Variants in DCP1B observed in about 807,000 individuals in gnomAD.
The protein encoded by DCP1B is mRNA-decapping enzyme 1B.
Under a neutral mutation model 60.5 loss-of-function variants are expected in DCP1B, and 47 were observed. The observed-to-expected ratio is 0.78, with a 90% confidence interval of 0.61 to 0.99. DCP1B has a LOEUF of 0.99. Among genes scored for constraint, DCP1B ranks in the 50% least tolerant of loss-of-function variants. The pLI is 0.00. For missense variants in DCP1B, 725 were observed against 756.8 expected, an observed-to-expected ratio of 0.96 and a Z score of 0.49; for synonymous variants, 267 against 280.3, an observed-to-expected ratio of 0.95 and a Z score of 0.47.
At chr12:2,002,590 T>C (rs149275393) in intron 1 of DCP1B, among the ~76,000 whole-genome samples, 1 of 152,286 alleles carries the variant, frequency 6.6e-6, no homozygotes, top group African/African-American at 2.4e-5. Context: ...TTGATAAGGG[T>C]CAAAAGCCTA....
intron 5 of DCP1B, among the ~76,000 whole-genome samples, chr12:1,958,632 C>G (rs570049170): frequency 9.5e-5 from 14 of 148,146 alleles, no homozygotes; most frequent in African/African-American, 3.3e-4. Flanking sequence ...TGGAAGGAGA[C>G]AGGGGAAAAG....
Position 1,953,032 on chromosome 12 carries a change from T to TCTGCGCTCCTGACCACC in DCP1B, c.907_908insGGTGGTCAGGAGCGCAG (p.Asp303GlyfsTer86). ...AGGCAGCTCTGACAATGGGTGGAGG[T>TCTGCGCTCCTGACCACC]CTGCGCTCCTGACCATGAGTTTCTG... On this transcript the variant is annotated frameshift_variant, in exon 7 of 9. Coordinates refer to ENST00000280665, the MANE Select transcript of DCP1B (RefSeq NM_152640.5). LOFTEE classifies it high-confidence loss of function. 7 of 1,613,986 alleles carry TCTGCGCTCCTGACCACC rather than the reference T, an allele frequency of 4.3e-6. No individual in the cohort carries two copies. Among genetic ancestry groups the TCTGCGCTCCTGACCACC allele is most frequent in the Non-Finnish European group, 5.1e-6 (6 of 1,179,998 alleles).
chr12:1,950,492 A>G (rs1404315898), intron 7 of DCP1B: 2 of 690,744 alleles, frequency 2.9e-6, no homozygotes, highest in Non-Finnish European at 5.3e-6. Context: ...AAAAGGGACA[A>G]TAACACTGAA....
rs528206887 is a variant in DCP1B at position 1,958,305 on chromosome 12, G to A, written c.523-2745C>T. Among the ~76,000 whole-genome samples the A allele has an allele frequency of 2.4e-3, 324 of 134,064 alleles. 2 individuals are homozygous for A. Among genetic ancestry groups the A allele is most frequent in the African/African-American group, 8.3e-3 (299 of 36,040 alleles). The allele number at this position is 134,064 out of a possible 152,430, so 88.0% of individuals were successfully genotyped here. ...TTTTTCTATAAACCTACTGGAAGAA[G>A]ACAGGGGAAAAGCTCCCTAACGTCG... On this transcript the variant is annotated intron_variant, in intron 5 of 8. Transcript: ENST00000280665.
intron 5 of DCP1B, among the ~76,000 whole-genome samples, chr12:1,958,454 A>C: frequency 2.8e-5 from 4 of 142,048 alleles, no homozygotes; most frequent in South Asian, 2.3e-4. Flanking sequence ...AAAGCTCCCT[A>C]ACGTCGCTCT....
chr12:1,951,681 T>G (rs1385716218), intron 7 of DCP1B, among the ~76,000 whole-genome samples: 1 of 152,222 alleles, frequency 6.6e-6, no homozygotes, highest in Admixed American at 6.5e-5. Flanking sequence ...AGGCTGTTTT[T>G]TGTTTATTTC....
At chr12:1,985,985 T>C (rs994489525) in intron 3 of DCP1B, among the ~76,000 whole-genome samples, 3 of 152,084 alleles carry the variant, frequency 2.0e-5, no homozygotes, top group Non-Finnish European at 2.9e-5. Context: ...TAATTTTGTT[T>C]TGTATTTTTA....
At chr12:1,959,260 G>T (rs1274615082) in intron 5 of DCP1B, among the ~76,000 whole-genome samples, 2 of 152,264 alleles carry the variant, frequency 1.3e-5, no homozygotes, top group African/African-American at 2.4e-5. Flanking sequence ...ACCCAAGGCT[G>T]TTGCATAGCA....
chr12:1,949,752 C>G (rs1406780589), intron 7 of DCP1B, among the ~76,000 whole-genome samples: 5 of 152,218 alleles, frequency 3.3e-5, no homozygotes, highest in Non-Finnish European at 7.3e-5. Context: ...GCACAGGAGG[C>G]GCTGTGAGAG....
At chr12:1,944,194 G>T (rs2030350502), downstream of DCP1B, among the ~76,000 whole-genome samples, 1 of 152,068 alleles carries the variant, frequency 6.6e-6, no homozygotes, top group Non-Finnish European at 1.5e-5. Context: ...TTGCTACAAA[G>T]ATAATAAAAT....
intron 3 of DCP1B, among the ~76,000 whole-genome samples, chr12:1,981,850 T>G (rs1400645971): frequency 6.6e-6 from 1 of 152,132 alleles, no homozygotes; most frequent in Non-Finnish European, 1.5e-5. Flanking sequence ...TTGGTCAGAA[T>G]GAGGGAGAGA....
chr12:2,003,140 A>G (rs1052632152), intron 1 of DCP1B, among the ~76,000 whole-genome samples: 1 of 152,072 alleles, frequency 6.6e-6, no homozygotes, highest in African/African-American at 2.4e-5. Flanking sequence ...TGTCTACCCC[A>G]TTCTTGCTTG....
intron 3 of DCP1B, among the ~76,000 whole-genome samples, chr12:1,989,848 C>T (rs1406429513): frequency 6.6e-6 from 1 of 152,188 alleles, no homozygotes; most frequent in Non-Finnish European, 1.5e-5. Context: ...TAAGTGATTA[C>T]TATATGGGAA....
At chr12:1,955,633 A>T in intron 5 of DCP1B, 73 bp from the exon 6 acceptor site, 1 of 1,499,502 alleles carries the variant, frequency 6.7e-7, no homozygotes, top group Admixed American at 2.2e-5. Flanking sequence ...CTACCTTTTT[A>T]CTTCTTATCT....
In DCP1B at chr12:1,953,228, C is replaced by T; in HGVS notation, c.712G>A (p.Ala238Thr). ...GGCTCCACAGTTTCCTGACATGTAGCTTTGTCCTGCTTCCCAAACAGAGCT... is the reference window on the plus strand; with the variant it reads ...GGCTCCACAGTTTCCTGACATGTAGTTTTGTCCTGCTTCCCAAACAGAGCT... ...LTALFGKQDK[A>T]TCQETVEPPQ... The change falls in exon 7 of 9, where the codon GCT (alanine) becomes ACT (threonine). Residue 238 changes from alanine (A) to threonine (T), a missense_variant. Coordinates refer to ENST00000280665, the MANE Select transcript of DCP1B (RefSeq NM_152640.5). 1 of 1,605,702 alleles carries T rather than the reference C, an allele frequency of 6.2e-7. No homozygotes were observed. Among genetic ancestry groups the T allele is most frequent in the Admixed American group, 1.7e-5 (1 of 60,002 alleles).
chr12:1,992,931 T>C, intron 3 of DCP1B: 1 of 580,542 alleles, frequency 1.7e-6, no homozygotes, highest in African/African-American at 1.9e-5. Flanking sequence ...GCCACCTATG[T>C]GTGTGTCTCT....
At chr12:1,998,085 T>C (rs2041361599) in intron 1 of DCP1B, 110 bp from the exon 2 acceptor site, 7 of 838,168 alleles carry the variant, frequency 8.4e-6, no homozygotes, top group Non-Finnish European at 1.3e-5. Context: ...ATGGGCCAAA[T>C]ATACCCAACA....
intron 2 of DCP1B, among the ~76,000 whole-genome samples, chr12:1,997,649 C>T (rs772034087): frequency 6.6e-6 from 1 of 152,224 alleles, no homozygotes; most frequent in African/African-American, 2.4e-5. Context: ...GTGCCATTCA[C>T]TTGAATCAAA....
At chr12:1,952,364 G>T (rs2030707470) in intron 7 of DCP1B, 52 bp downstream of exon 7, 5 of 1,486,810 alleles carry the variant, frequency 3.4e-6, no homozygotes, top group Non-Finnish European at 4.5e-6. Context: ...TTAGGGACAG[G>T]ATCTTGCTAT....
Sources: allele counts gnomAD v4.1 joint callset (sites outside exome capture counted in the v4.1 genomes callset), GRCh38; gene constraint gnomAD v4.1.1; transcripts MANE v1.5; gene names NCBI Gene and HGNC (gene_info 2026-07-23, HGNC 2026-07-21).